Variants in CAMK1D observed in about 807,000 individuals in gnomAD.
CAMK1D encodes the protein calcium/calmodulin dependent protein kinase ID, also known as calcium/calmodulin-dependent protein kinase type 1D.
A neutral mutation model predicts 47.7 loss-of-function variants in CAMK1D; 9 were observed. The observed-to-expected ratio is 0.19, with a 90% CI of 0.11 to 0.33. CAMK1D has a LOEUF of 0.33. Ranked by LOEUF, CAMK1D falls within the 10% of genes least tolerant of loss-of-function variation. The pLI is 1.00. For synonymous variants in CAMK1D, 184 were observed against 184.9 expected, an observed-to-expected ratio of 0.99 and a Z score of 0.04; for missense variants, 291 against 488.7, an observed-to-expected ratio of 0.60 and a Z score of 3.81.
At chr10:12,643,815 C>T (rs183126979) in intron 2 of CAMK1D, among the ~76,000 whole-genome samples, 2,643 of 149,778 alleles carry the variant, frequency 0.018, 33 homozygotes, top group Non-Finnish European at 0.027. Flanking sequence ...ACCTGGGGGG[C>T]GGAGGTTGCA....
At chr10:12,416,918 C>T (rs539624252) in intron 1 of CAMK1D, among the ~76,000 whole-genome samples, 40 of 152,090 alleles carry the variant, frequency 2.6e-4, no homozygotes, top group Non-Finnish European at 4.3e-4. Context: ...AAAAACCTTC[C>T]GGTGCTAGCG....
At chr10:12,694,574 A>T (rs1195300262) in intron 3 of CAMK1D, among the ~76,000 whole-genome samples, 2 of 136,876 alleles carry the variant, frequency 1.5e-5, no homozygotes, top group Non-Finnish European at 3.1e-5. Context: ...TATAATATAT[A>T]AAAATATATC....
chr10:12,488,210 C>G (rs1276649906), intron 1 of CAMK1D, among the ~76,000 whole-genome samples: 1 of 152,078 alleles, frequency 6.6e-6, no homozygotes, highest in African/African-American at 2.4e-5. Context: ...AGGATGGAGG[C>G]CTTCCAAGCC....
intron 2 of CAMK1D, among the ~76,000 whole-genome samples, chr10:12,662,101 G>C (rs78507274): frequency 0.045 from 6,882 of 152,262 alleles, 209 homozygotes; most frequent in Non-Finnish European, 0.066. Flanking sequence ...CGGGTCTCTG[G>C]TGGAATACCA....
At chr10:12,791,823 G>A (rs1837993982) in intron 6 of CAMK1D, among the ~76,000 whole-genome samples, 1 of 152,106 alleles carries the variant, frequency 6.6e-6, no homozygotes, top group African/African-American at 2.4e-5. Context: ...ACTTCTTTGG[G>A]GTTTCTATCT....
At chr10:12,762,633 A>G (rs1294102776) in intron 4 of CAMK1D, among the ~76,000 whole-genome samples, 1 of 152,156 alleles carries the variant, frequency 6.6e-6, no homozygotes, top group Admixed American at 6.5e-5. Context: ...CGTGATGAGG[A>G]TGCTGGTCTG....
chr10:12,821,595 T>A (rs980026922), intron 8 of CAMK1D, among the ~76,000 whole-genome samples: 6 of 152,180 alleles, frequency 3.9e-5, no homozygotes, highest in African/African-American at 1.2e-4. Context: ...GAGACTAGGC[T>A]GTGGTCCGTG....
chr10:12,546,344 C>G (rs1288352741), intron 1 of CAMK1D, among the ~76,000 whole-genome samples: 3 of 149,690 alleles, frequency 2.0e-5, no homozygotes, highest in South Asian at 4.2e-4. Flanking sequence ...AAAACCTGAA[C>G]GTAGTTGGTG....
intron 2 of CAMK1D, among the ~76,000 whole-genome samples, chr10:12,633,262 A>T (rs1839429660): frequency 6.6e-6 from 1 of 152,176 alleles, no homozygotes; most frequent in Admixed American, 6.5e-5. Flanking sequence ...AGATGAAAGG[A>T]TGCATTAGTG....
At chr10:12,563,655 C>T (rs1011634734) in intron 2 of CAMK1D, among the ~76,000 whole-genome samples, 2 of 118,378 alleles carry the variant, frequency 1.7e-5, no homozygotes, top group East Asian at 7.4e-4. Context: ...CCAGAAGAGG[C>T]GGAAGGTTTG....
At position 12,654,791 on chromosome 10, in the gene CAMK1D, G is replaced by A. The variant is rs562214766; in HGVS notation, c.225-11945G>A. 8.5e-5 allele frequency among the ~76,000 whole-genome samples: 13 copies of A among 152,252 alleles called. No homozygotes were observed. In the South Asian group the frequency reaches 2.1e-3, roughly 24 times the overall value. ...TTAAAATGGGCACGGAAGCCACGAA[G>A]TTATCAGCTCTGAAGTATCTAAAGT... On this transcript the variant is annotated intron_variant, in intron 2 of 10. Coordinates refer to ENST00000619168, the MANE Select transcript of CAMK1D (RefSeq NM_153498.4).
chr10:12,435,221 CAAAAAAAA>C (rs910066372), intron 1 of CAMK1D, among the ~76,000 whole-genome samples: 2 of 44,024 alleles, frequency 4.5e-5, no homozygotes, highest in Admixed American at 3.1e-4. Context: ...AACTCTGTCT[CAAAAAAAA>C]AAAAAAAAAA....
chr10:12,752,712 C>G (rs977897496), intron 3 of CAMK1D, among the ~76,000 whole-genome samples: 1 of 152,234 alleles, frequency 6.6e-6, no homozygotes, highest in South Asian at 2.1e-4. Context: ...CGTTCTGAAT[C>G]TCTTGAGCAT....
chr10:12,595,364 A>AAAAAAAAAAAAAAAAAAAAAAAT (rs60206877), intron 2 of CAMK1D, among the ~76,000 whole-genome samples: 1 of 149,410 alleles, frequency 6.7e-6, no homozygotes. Flanking sequence ...AAAAAAAAAA[A>AAAAAAAAAAAAAAAAAAAAAAAT]GGATGGTTTT....
chr10:12,552,266 T>C (rs1161425715), intron 1 of CAMK1D, among the ~76,000 whole-genome samples: 1 of 152,200 alleles, frequency 6.6e-6, no homozygotes, highest in African/African-American at 2.4e-5. Flanking sequence ...AATGTGTATT[T>C]TCAGGCAGGA....
chr10:12,790,841 T>G (rs2482041), intron 5 of CAMK1D, among the ~76,000 whole-genome samples: 151,619 of 152,002 alleles, frequency 1, 75,620 homozygotes, highest in Middle Eastern at 1. Context: ...AAAAAGAAAA[T>G]AAAAATTAGC....
intron 1 of CAMK1D, among the ~76,000 whole-genome samples, chr10:12,443,993 C>G (rs1164359834): frequency 6.6e-6 from 1 of 152,086 alleles, no homozygotes; most frequent in Non-Finnish European, 1.5e-5. Context: ...TTATTCATGC[C>G]CCCCCTTTTT....
At chr10:12,566,392 A>G (rs1432305258) in intron 2 of CAMK1D, among the ~76,000 whole-genome samples, 1 of 152,170 alleles carries the variant, frequency 6.6e-6, no homozygotes, top group Non-Finnish European at 1.5e-5. Flanking sequence ...TGCTGCTGTC[A>G]TAGACCCAAC....
At chr10:12,620,215 A>AAAAT (rs1211654453) in intron 2 of CAMK1D, among the ~76,000 whole-genome samples, 4 of 134,510 alleles carry the variant, frequency 3.0e-5, no homozygotes, top group African/African-American at 7.6e-5. Flanking sequence ...AAAAAAAAAA[A>AAAAT]AAATAAAGCT....
Sources: gnomAD v4.1 joint callset for allele counts (sites outside exome capture counted in the v4.1 genomes callset) on GRCh38, gnomAD v4.1.1 for gene constraint, MANE v1.5 for transcripts, NCBI Gene and HGNC (gene_info 2026-07-23, HGNC 2026-07-21) for gene names.